MORN4: variants seen among roughly 807,000 people sequenced by gnomAD.
MORN4 encodes MORN repeat-containing protein 4.
In MORN4, 8 loss-of-function variants were observed where a neutral mutation model predicts 16.4. The observed-to-expected ratio is 0.49, with a 90% confidence interval of 0.29 to 0.88. The LOEUF (loss-of-function observed/expected upper bound fraction) is 0.88. Ranked by LOEUF, MORN4 falls within the 40% of genes least tolerant of loss-of-function variation. The pLI is 0.09. For synonymous variants in MORN4, 53 were observed against 68.9 expected (o/e 0.77, Z 1.14); for missense variants, 159 against 182.9 (o/e 0.87, Z 0.75).
At position 97,617,299 on chromosome 10, in the gene MORN4, G is replaced by T. The variant is rs575114975; in HGVS notation, c.91C>A (p.Leu31Met). 171 of 1,614,046 alleles carry T rather than the reference G, an allele frequency of 1.1e-4. No individual in the cohort carries two copies. Among genetic ancestry groups the T allele is most frequent in the Admixed American group, 2.3e-4 (14 of 59,984 alleles). ...KEGRRHGFGQ[L>M]MFADGGTYLG... is the part of the protein sequence containing the mutation. Reference sequence around the variant, plus strand: ...TAGGTGCCACCATCTGCAAACATCAGTTGACCAAAACCATGCCTGCGGCCT... The same window carrying T: ...TAGGTGCCACCATCTGCAAACATCATTTGACCAAAACCATGCCTGCGGCCT... The change falls in exon 3 of 5, where the codon CTG (leucine) becomes ATG (methionine). Residue 31 changes from leucine to methionine, a missense_variant. By Grantham distance (15) the Leu-to-Met change is conservative. Coordinates refer to ENST00000307450, the MANE Select transcript of MORN4 (RefSeq NM_178832.4).
chr10:97,617,543 C>T (rs1002860061), intron 2 of MORN4, among the ~76,000 whole-genome samples: 1 of 152,136 alleles, frequency 6.6e-6, no homozygotes, highest in Non-Finnish European at 1.5e-5. Context: ...GCAGGTCTAC[C>T]CAAGTATGAA....
At chr10:97,620,497 AAAAAAAAAAAG>A (rs1371346942) in intron 1 of MORN4, among the ~76,000 whole-genome samples, 16 of 147,820 alleles carry the variant, frequency 1.1e-4, no homozygotes, top group East Asian at 1.9e-4. Context: ...TCAAAAAAAA[AAAAAAAAAAAG>A]AAAAAAAAAA....
At chr10:97,623,829 G>A (rs566059885) in intron 1 of MORN4, among the ~76,000 whole-genome samples, 15 of 151,476 alleles carry the variant, frequency 9.9e-5, no homozygotes, top group African/African-American at 3.2e-4. Flanking sequence ...TCTGCCTCCC[G>A]GGTTCATGCC....
chr10:97,617,319 C>A lies in MORN4; in HGVS notation c.71G>T (p.Arg24Leu), dbSNP rs752189786. Residue 24 changes from arginine (R) to leucine (L), a missense_variant, in exon 3 of 5, where the codon CGC becomes CTC. Transcript: ENST00000307450. ...CATCAGTTGACCAAAACCATGCCTG[C>A]GGCCTGAACAAAGAGAAGGATAGGT... ...EEYRGEWKEG[R>L]RHGFGQLMFA... The A allele has an allele frequency of 2.5e-6, 4 of 1,613,800 alleles. No individual in the cohort carries two copies. Among genetic ancestry groups the A allele is most frequent in the Non-Finnish European group, 3.4e-6 (4 of 1,179,738 alleles).
In MORN4 at chr10:97,627,300, C is replaced by T. The variant is rs555299876; in HGVS notation, c.-31+6047G>A. ...CTGGCATTACAGGTGTGTGCCACCA[C>T]GCCTAGCTACTTTTTGTATTTTTAG... is the stretch of plus-strand genomic sequence containing the variant. On this transcript the variant is annotated intron_variant, in intron 1 of 4. Transcript: ENST00000307450. Among the ~76,000 whole-genome samples the T allele has an allele frequency of 2.4e-3, 357 of 151,534 alleles. 3 individuals carry two copies. The highest frequency in any genetic ancestry group is 8.1e-3 in the African/African-American group (335 of 41,256).
At chr10:97,626,416 C>A (rs909667294) in intron 1 of MORN4, among the ~76,000 whole-genome samples, 43 of 148,504 alleles carry the variant, frequency 2.9e-4, no homozygotes, top group African/African-American at 9.8e-4. Context: ...TAATCATAAT[C>A]ATAATCATAA....
chr10:97,633,099 A>G lies in MORN4; in HGVS notation c.-31+248T>C, dbSNP rs942748931. 1.3e-5 allele frequency among the ~76,000 whole-genome samples: 2 copies of G among 152,026 alleles called. No homozygotes were observed. The highest frequency in any genetic ancestry group is 6.6e-5 in the Admixed American group (1 of 15,264). On this transcript the variant is annotated intron_variant, in intron 1 of 4. Transcript: ENST00000307450. The surrounding 1 kb of genome is among the most constrained non-coding windows in gnomAD (Gnocchi z 4.5). ...GTCTAACGCTCACACAGGTCTGCCAATTCCCCTGATGCAACCCTCCACCCT... is the reference window on the plus strand; with the variant it reads ...GTCTAACGCTCACACAGGTCTGCCAGTTCCCCTGATGCAACCCTCCACCCT...
chr10:97,627,143 T>G (rs1044066446), intron 1 of MORN4, among the ~76,000 whole-genome samples: 2 of 152,120 alleles, frequency 1.3e-5, no homozygotes, highest in Non-Finnish European at 2.9e-5. Context: ...AACACCTTTT[T>G]TTTTTTGTTT....
At position 97,619,692 on chromosome 10, in the gene MORN4, A is replaced by T; in HGVS notation, c.-30-9T>A. ...AGGATAAAAGGATGAAACTGTAGGA[A>T]ATAAGCAAAGGAGAACCAGTGTCAT... On this transcript the variant is annotated splice_polypyrimidine_tract_variant and intron_variant, in intron 1 of 4. Transcript: ENST00000307450. 1 of 1,607,842 alleles carries T rather than the reference A, an allele frequency of 6.2e-7. No homozygotes were observed. Among genetic ancestry groups the T allele is most frequent in the Non-Finnish European group, 8.5e-7 (1 of 1,174,254 alleles).
intron 1 of MORN4, among the ~76,000 whole-genome samples, chr10:97,620,932 C>T (rs150026898): frequency 2.9e-3 from 434 of 152,132 alleles, no homozygotes; most frequent in Middle Eastern, 6.8e-3. Context: ...ACCAGCTTGG[C>T]CAACATGGTA....
intron 2 of MORN4, among the ~76,000 whole-genome samples, chr10:97,618,787 GTT>G (rs374979684): frequency 3.0e-4 from 40 of 133,514 alleles, no homozygotes; most frequent in Admixed American, 2.7e-3. Flanking sequence ...GATACTGGTT[GTT>G]TTTTTTTTTT....
intron 2 of MORN4, 189 bp downstream of exon 2, chr10:97,619,398 G>A (rs1425445239): frequency 1.6e-6 from 1 of 606,324 alleles, no homozygotes; most frequent in Non-Finnish European, 3.0e-6. Context: ...CCTGGAGGTT[G>A]AATTAACAAT....
Position 97,617,748 on chromosome 10 carries a change from T to G in MORN4, c.68-426A>C, listed in dbSNP as rs541486955. On this transcript the variant is annotated intron_variant, in intron 2 of 4. Transcript: ENST00000307450. ...AGTGGCGCCTGCCTGTGGTCCCAGCTACTCGGGAGGCTGAGGCAGGAGAAT... is the reference window on the plus strand; with the variant it reads ...AGTGGCGCCTGCCTGTGGTCCCAGCGACTCGGGAGGCTGAGGCAGGAGAAT... Among the ~76,000 whole-genome samples the G allele has an allele frequency of 4.2e-3, 634 of 152,136 alleles. 4 individuals are homozygous for G. The highest frequency in any genetic ancestry group is 0.015 in the African/African-American group (603 of 41,512).
rs187104161 is a variant in MORN4, at chr10:97,617,302, G to T, written c.88C>A (p.Gln30Lys). 6.2e-7 allele frequency: 1 copy of T among 1,614,118 alleles called. No homozygotes were observed. Among genetic ancestry groups the T allele is most frequent in the South Asian group, 1.1e-5 (1 of 91,074 alleles). The change falls in exon 3 of 5, where the codon CAA becomes AAA. Residue 30 changes from glutamine to lysine, a missense_variant. By Grantham distance (53) the Gln-to-Lys change is moderately conservative. Coordinates refer to ENST00000307450, the MANE Select transcript of MORN4 (RefSeq NM_178832.4). ...GTGCCACCATCTGCAAACATCAGTT[G>T]ACCAAAACCATGCCTGCGGCCTGAA... is the stretch of plus-strand genomic sequence containing the variant. ...WKEGRRHGFG[Q>K]LMFADGGTYL...
At position 97,633,435 on chromosome 10, in the gene MORN4, C is replaced by T. The variant is rs1313014030; in HGVS notation, c.-119G>A. On this transcript the variant is annotated 5_prime_UTR_variant, in exon 1 of 5. The change creates a new upstream start codon in the 5' untranslated region. Coordinates refer to ENST00000307450, the MANE Select transcript of MORN4 (RefSeq NM_178832.4). The surrounding 1 kb of genome is among the most constrained non-coding windows in gnomAD (Gnocchi z 4.5). Reference sequence around the variant, plus strand: ...TCCTCTGATGGGCTCCCGGCTGCCACCTTGCTCTCCGCCACCTCCACCAGC... The same window carrying T: ...TCCTCTGATGGGCTCCCGGCTGCCATCTTGCTCTCCGCCACCTCCACCAGC... 3.1e-6 allele frequency: 4 copies of T among 1,289,814 alleles called. No individual in the cohort carries two copies. The highest frequency in any genetic ancestry group is 4.0e-6 in the Non-Finnish European group (4 of 988,918). The allele number at this position is 1,289,814 out of a possible 1,614,324, so 79.9% of individuals were successfully genotyped here. A position where few individuals can be genotyped will look rare whatever the true frequency, so the allele number is the denominator to read the frequency against.
intron 3 of MORN4, 143 bp downstream of exon 3, chr10:97,617,065 C>G: frequency 1.4e-6 from 1 of 701,372 alleles, no homozygotes; most frequent in Non-Finnish European, 2.4e-6. Context: ...TAAAAAATAG[C>G]TAATAAAAGA....
At chr10:97,624,214 T>C (rs1214051755) in intron 1 of MORN4, among the ~76,000 whole-genome samples, 3 of 152,206 alleles carry the variant, frequency 2.0e-5, no homozygotes, top group Admixed American at 2.0e-4. Context: ...GCTTTAAATG[T>C]TCAACTAAAA....
chr10:97,620,194 CAT>C (rs1414982185), intron 1 of MORN4, among the ~76,000 whole-genome samples: 15 of 151,812 alleles, frequency 9.9e-5, no homozygotes, highest in African/African-American at 3.6e-4. Flanking sequence ...AATCAGAAAA[CAT>C]AGGGAACAGG....
intron 1 of MORN4, among the ~76,000 whole-genome samples, chr10:97,627,806 G>A (rs1036300164): frequency 6.6e-6 from 1 of 152,062 alleles, no homozygotes; most frequent in South Asian, 2.1e-4. Context: ...CCAAACCTCT[G>A]GGAGCTATTT....
Sources: gnomAD v4.1 joint callset for allele counts (sites outside exome capture counted in the v4.1 genomes callset) on GRCh38, gnomAD v4.1.1 for gene constraint, Gnocchi (gnomAD v3.1) non-coding constraint, MANE v1.5 for transcripts, NCBI Gene and HGNC (gene_info 2026-07-23, HGNC 2026-07-21) for gene names.